Variants in KIAA1217 observed in about 807,000 individuals in gnomAD.
KIAA1217 encodes the protein KIAA1217.
Under a neutral mutation model 163.9 loss-of-function variants are expected in KIAA1217, and 88 were observed. That is an observed-to-expected ratio of 0.54 (90% CI 0.45 to 0.64). The LOEUF (loss-of-function observed/expected upper bound fraction) is 0.64, where lower values mean the gene tolerates loss of function less well. Among genes scored for constraint, KIAA1217 ranks in the 30% least tolerant of loss-of-function variants. The pLI is 0.00. For missense variants in KIAA1217, 2,372 were observed against 2,475.0 expected, an observed-to-expected ratio of 0.96 and a Z score of 0.88; for synonymous variants, 903 against 923.1, an observed-to-expected ratio of 0.98 and a Z score of 0.39.
At chr10:24,402,523 C>CAAAAAAA (rs1173653514) in intron 3 of KIAA1217, among the ~76,000 whole-genome samples, 52 of 71,006 alleles carry the variant, frequency 7.3e-4, no homozygotes, top group African/African-American at 2.0e-3. Context: ...AAACAAAAAA[C>CAAAAAAA]AAAACAAAAA....
At chr10:24,074,393 C>T (rs1210237326) in intron 2 of KIAA1217, among the ~76,000 whole-genome samples, 2 of 152,008 alleles carry the variant, frequency 1.3e-5, no homozygotes, top group East Asian at 3.9e-4. Context: ...AAAAAAAACA[C>T]CTAACTTTAA....
At chr10:23,888,692 A>G (rs1314064255) in intron 1 of KIAA1217, among the ~76,000 whole-genome samples, 3 of 151,894 alleles carry the variant, frequency 2.0e-5, no homozygotes, top group African/African-American at 4.8e-5. Flanking sequence ...CTAATTGTAA[A>G]TTAGTCTGTT....
chr10:24,474,398 A>T (rs2063802394), intron 6 of KIAA1217, among the ~76,000 whole-genome samples: 1 of 152,240 alleles, frequency 6.6e-6, no homozygotes, highest in East Asian at 1.9e-4. Flanking sequence ...CAGAAGACAG[A>T]TGAAAAGATC....
chr10:23,867,267 TG>T (rs906402281), intron 1 of KIAA1217, among the ~76,000 whole-genome samples: 67 of 152,218 alleles, frequency 4.4e-4, no homozygotes, highest in African/African-American at 1.5e-3. Flanking sequence ...ACATTTGGGT[TG>T]GTTCCAAGTC....
intron 2 of KIAA1217, among the ~76,000 whole-genome samples, chr10:24,136,424 T>C (rs1025840675): frequency 1.3e-5 from 2 of 151,904 alleles, no homozygotes; most frequent in African/African-American, 4.8e-5. Flanking sequence ...TAAATTTTCA[T>C]TAAGTGAACA....
upstream of KIAA1217, among the ~76,000 whole-genome samples, chr10:24,207,590 TAA>T (rs974341318): frequency 6.6e-6 from 1 of 152,246 alleles, no homozygotes. Context: ...ATAGAGACCT[TAA>T]GTTATCTGCC....
chr10:24,368,831 C>A (rs1889873), intron 2 of KIAA1217: 1 of 977,190 alleles, frequency 1.0e-6, no homozygotes, highest in East Asian at 1.1e-4. Context: ...CTGAGAGTAA[C>A]ACCAGCTTAC....
intron 2 of KIAA1217, among the ~76,000 whole-genome samples, chr10:24,373,624 C>G (rs376436300): frequency 1.3e-5 from 2 of 152,178 alleles, no homozygotes; most frequent in African/African-American, 2.4e-5. Context: ...ATCTGACACA[C>G]AGATAATACT....
intron 2 of KIAA1217, among the ~76,000 whole-genome samples, chr10:24,366,538 C>T (rs1257759943): frequency 2.0e-5 from 3 of 152,224 alleles, no homozygotes; most frequent in Non-Finnish European, 4.4e-5. Context: ...AAACCAAAGG[C>T]ACACTCCAGG....
At chr10:24,373,601 C>A (rs775632144) in intron 2 of KIAA1217, among the ~76,000 whole-genome samples, 3 of 152,160 alleles carry the variant, frequency 2.0e-5, no homozygotes, top group Non-Finnish European at 4.4e-5. Flanking sequence ...ATTAACAATA[C>A]CTCAGAAGAT....
intron 1 of KIAA1217, among the ~76,000 whole-genome samples, chr10:23,801,459 A>T (rs1215414259): frequency 1.3e-5 from 2 of 152,222 alleles, no homozygotes; most frequent in African/African-American, 4.8e-5. Flanking sequence ...CATGTATCCC[A>T]GAACTTCAAG....
chr10:24,432,554 C>T (rs978313319), intron 3 of KIAA1217, among the ~76,000 whole-genome samples: 10 of 152,028 alleles, frequency 6.6e-5, no homozygotes, highest in African/African-American at 2.4e-4. Flanking sequence ...CTCTGAGGCT[C>T]AAGTGATCTT....
At chr10:23,878,495 T>C (rs947501488) in intron 1 of KIAA1217, among the ~76,000 whole-genome samples, 4 of 151,938 alleles carry the variant, frequency 2.6e-5, no homozygotes, top group African/African-American at 9.7e-5. Flanking sequence ...CTATTTCAGA[T>C]GGGAAGCCCT....
At chr10:24,512,629 AAC>A (rs1382646608) in intron 9 of KIAA1217, among the ~76,000 whole-genome samples, 2 of 152,228 alleles carry the variant, frequency 1.3e-5, no homozygotes, top group African/African-American at 4.8e-5. Context: ...TATCATTGCC[AAC>A]ATTAAAGTCC....
chr10:24,484,241 A>ATATATATATATATAT (rs1376083298), intron 6 of KIAA1217, among the ~76,000 whole-genome samples: 1 of 75,146 alleles, frequency 1.3e-5, no homozygotes, highest in African/African-American at 4.9e-5. Context: ...ATATATATAT[A>ATATATATATATATAT]TTTTTTTTTT....
intron 2 of KIAA1217, among the ~76,000 whole-genome samples, chr10:24,025,940 G>A (rs1847923748): frequency 6.6e-6 from 1 of 151,682 alleles, no homozygotes. Context: ...AGACAATAAC[G>A]TTATTTATAA....
At chr10:24,152,801 A>T (rs769234915) in intron 2 of KIAA1217, among the ~76,000 whole-genome samples, 1 of 152,130 alleles carries the variant, frequency 6.6e-6, no homozygotes, top group Non-Finnish European at 1.5e-5. Flanking sequence ...CTTTCACTAT[A>T]CAAGGAAAAC....
chr10:23,723,756 G>GGTTTGCT (rs779980499), intron 1 of KIAA1217, among the ~76,000 whole-genome samples: 16 of 152,156 alleles, frequency 1.1e-4, no homozygotes, highest in Non-Finnish European at 1.8e-4. Flanking sequence ...GTACATACTA[G>GGTTTGCT]GTTTGCTGTT....
intron 2 of KIAA1217, among the ~76,000 whole-genome samples, chr10:24,248,240 T>G (rs926547443): frequency 1.3e-5 from 2 of 152,236 alleles, no homozygotes; most frequent in Admixed American, 6.5e-5. Context: ...ACAAATGCTG[T>G]TTTGGGTCCT....
Sources: allele counts gnomAD v4.1 joint callset (sites outside exome capture counted in the v4.1 genomes callset), GRCh38; gene constraint gnomAD v4.1.1; transcripts MANE v1.5; gene names NCBI Gene and HGNC (gene_info 2026-07-23, HGNC 2026-07-21).